Variants in RGS22 observed in about 807,000 individuals in gnomAD.
RGS22 encodes the protein regulator of G protein signaling 22.
A neutral mutation model predicts 172.9 loss-of-function variants in RGS22; 148 were observed. The observed-to-expected ratio is 0.86, with a 90% CI of 0.75 to 0.98. RGS22 has a LOEUF of 0.98. RGS22 is among the 50% of genes least tolerant of loss of function. The probability of loss-of-function intolerance (pLI) is 0.00; values close to 1 mark genes in which losing one functional copy is unlikely to be tolerated. For missense variants in RGS22, 1,347 were observed against 1,440.8 expected (o/e 0.93, Z 1.05); for synonymous variants, 458 against 480.2 (o/e 0.95, Z 0.60).
chr8:100,001,143 G>C (rs1247710690), intron 18 of RGS22, among the ~76,000 whole-genome samples: 1 of 146,664 alleles, frequency 6.8e-6, no homozygotes, highest in African/African-American at 2.5e-5. Context: ...TATAAAAATT[G>C]CATCATATTT....
At chr8:99,985,581 T>A (rs1813008492) in intron 21 of RGS22, among the ~76,000 whole-genome samples, 1 of 152,240 alleles carries the variant, frequency 6.6e-6, no homozygotes. Context: ...GGGCAGTGTG[T>A]TGTATTCACC....
At chr8:100,001,205 T>TATATATATATATATATATAC (rs1815025579) in intron 18 of RGS22, among the ~76,000 whole-genome samples, 3 of 132,426 alleles carry the variant, frequency 2.3e-5, no homozygotes, top group Non-Finnish European at 3.2e-5. Context: ...CAATTTTTTA[T>TATATATATATATATATATAC]ATATATATAT....
chr8:100,020,561 T>C (rs1367755420), intron 14 of RGS22, among the ~76,000 whole-genome samples: 1 of 152,088 alleles, frequency 6.6e-6, no homozygotes. Context: ...TGGAGAGGAT[T>C]CACAGTGATG....
Position 100,106,037 on chromosome 8 carries a change from C to T in RGS22, c.-116G>A, listed in dbSNP as rs1813919230. ...CGACGGCGCGCGGGCTCCGGAGCTA[C>T]GCTGGCTAGCGTGGCCGGCGCCGCG... On this transcript the variant is annotated 5_prime_UTR_variant, in exon 1 of 28. Transcript: ENST00000360863. The T allele has an allele frequency of 8.5e-7, 1 of 1,178,864 alleles. No individual in the cohort carries two copies. 73.0% of individuals were successfully genotyped at this position (1,178,864 alleles called of 1,614,324 possible). A position where few individuals can be genotyped will look rare whatever the true frequency, so the allele number is the denominator to read the frequency against.
intron 3 of RGS22, among the ~76,000 whole-genome samples, chr8:100,081,852 T>C (rs1811785965): frequency 6.6e-6 from 1 of 151,922 alleles, no homozygotes; most frequent in Non-Finnish European, 1.5e-5. Flanking sequence ...GGAAAACATT[T>C]CTTCTAGTTC....
chr8:100,051,573 A>T (rs1277348078), intron 10 of RGS22, among the ~76,000 whole-genome samples: 1 of 84,502 alleles, frequency 1.2e-5, no homozygotes, highest in Non-Finnish European at 1.9e-5. Context: ...ATATATATTT[A>T]TATATGTTTA....
chr8:99,999,179 A>T, intron 19 of RGS22, 83 bp downstream of exon 19: 1 of 1,246,584 alleles, frequency 8.0e-7, no homozygotes, highest in Non-Finnish European at 1.1e-6. Flanking sequence ...AAAAAGGACA[A>T]TGGCTGGGTC....
chr8:100,063,393 G>T, intron 8 of RGS22, 23 bp downstream of exon 8: 1 of 1,468,082 alleles, frequency 6.8e-7, no homozygotes, highest in Non-Finnish European at 9.1e-7. Context: ...TAAAACTATT[G>T]AAAAATAAAA....
intron 3 of RGS22, chr8:100,080,571 G>A (rs1346205018): frequency 2.2e-5 from 11 of 508,758 alleles, no homozygotes; most frequent in Non-Finnish European, 3.8e-5. Context: ...CCACGAGTAA[G>A]TGTCAGGGTA....
chr8:100,100,277 T>C (rs1193663055), intron 2 of RGS22, among the ~76,000 whole-genome samples: 2 of 151,750 alleles, frequency 1.3e-5, no homozygotes, highest in Non-Finnish European at 2.9e-5. Context: ...TTTTAAAGTT[T>C]GTATTTTTTT....
chr8:99,984,455 T>C (rs532721453), intron 21 of RGS22, among the ~76,000 whole-genome samples: 3 of 152,286 alleles, frequency 2.0e-5, no homozygotes, highest in Admixed American at 6.5e-5. Flanking sequence ...TTTCTAATTG[T>C]TCTGCCCTGT....
chr8:100,008,318 G>A (rs901451480), intron 15 of RGS22, 57 bp downstream of exon 15: 71 of 1,501,666 alleles, frequency 4.7e-5, no homozygotes, highest in Middle Eastern at 1.7e-4. Flanking sequence ...GATAACAGGC[G>A]TCAGTATTGT....
At chr8:100,053,016 A>G in intron 9 of RGS22, 40 bp from the exon 10 acceptor site, 1 of 1,566,298 alleles carries the variant, frequency 6.4e-7, no homozygotes, top group Non-Finnish European at 8.8e-7. Flanking sequence ...GAACTAAACA[A>G]CAAGCCTCAA....
At chr8:99,973,737 C>G (rs368139990) in intron 23 of RGS22, among the ~76,000 whole-genome samples, 55 of 151,726 alleles carry the variant, frequency 3.6e-4, no homozygotes, top group African/African-American at 1.3e-3. Flanking sequence ...GGTGTAGTGG[C>G]GGGCGCCTGT....
At chr8:100,022,949 C>T (rs1353559120) in intron 14 of RGS22, among the ~76,000 whole-genome samples, 2 of 151,834 alleles carry the variant, frequency 1.3e-5, no homozygotes, top group African/African-American at 2.4e-5. Context: ...AGGCTGGTCT[C>T]GAACTCCTAG....
rs1218702317 is a variant in RGS22 at position 100,051,590 on chromosome 8, TATAA to T, written c.1689+1208_1689+1211del. Reference sequence around the variant, plus strand: ...ATATATTTATATATGTTTATACATATATAAATATATATTTATATATGTTTATACA... The same window carrying T: ...ATATATTTATATATGTTTATACATATATATATATTTATATATGTTTATACA... On this transcript the variant is annotated intron_variant, in intron 10 of 27. Coordinates refer to ENST00000360863, the MANE Select transcript of RGS22 (RefSeq NM_015668.5). 7.3e-4 allele frequency among the ~76,000 whole-genome samples: 48 copies of T among 65,472 alleles called. 14 individuals are homozygous for T. The highest frequency in any genetic ancestry group is 2.8e-3 in the African/African-American group (43 of 15,098). The allele number at this position is 65,472 out of a possible 152,430, so 43.0% of individuals were successfully genotyped here.
chr8:100,058,620 T>A (rs1373052937), intron 9 of RGS22, among the ~76,000 whole-genome samples: 2 of 152,050 alleles, frequency 1.3e-5, no homozygotes, highest in African/African-American at 4.8e-5. Context: ...AGGAAAAAAC[T>A]TTTACCCTAG....
At chr8:100,001,202 T>TTTTATA (rs1554611098) in intron 18 of RGS22, among the ~76,000 whole-genome samples, 3 of 124,780 alleles carry the variant, frequency 2.4e-5, no homozygotes, top group African/African-American at 6.2e-5. Context: ...TCCCAATTTT[T>TTTTATA]TATATATATA....
chr8:100,083,293 T>G (rs74427275), intron 3 of RGS22, among the ~76,000 whole-genome samples: 231 of 152,280 alleles, frequency 1.5e-3, no homozygotes, highest in African/African-American at 5.1e-3. Context: ...ATGTAAAAAT[T>G]ACTAACTCTC....
Sources: gnomAD v4.1 joint callset for allele counts (sites outside exome capture counted in the v4.1 genomes callset) on GRCh38, gnomAD v4.1.1 for gene constraint, MANE v1.5 for transcripts, NCBI Gene and HGNC (gene_info 2026-07-23, HGNC 2026-07-21) for gene names.